Variants in SLC16A4 observed in about 807,000 individuals in gnomAD.
SLC16A4 encodes the protein solute carrier family 16 member 4, also known as probable monocarboxylate transporter 5.
Under a neutral mutation model 47.9 loss-of-function variants are expected in SLC16A4, and 39 were observed. The observed-to-expected ratio is 0.81, with a 90% CI of 0.63 to 1.06. SLC16A4 has a LOEUF of 1.06. Among genes scored for constraint, SLC16A4 ranks in the 50% least tolerant of loss-of-function variants. SLC16A4 has a pLI of 0.00. For synonymous variants in SLC16A4, 189 were observed against 199.9 expected, an observed-to-expected ratio of 0.95 and a Z score of 0.46; for missense variants, 524 against 573.8, an observed-to-expected ratio of 0.91 and a Z score of 0.89.
intron 8 of SLC16A4, chr1:110,370,251 T>G (rs74418400): frequency 6.6e-6 from 1 of 152,140 alleles, no homozygotes; most frequent in African/African-American, 2.4e-5. Flanking sequence ...TTAGCCTTTT[T>G]TTCCCCCCAC....
chr1:110,367,839 GT>G (rs200369962), intron 8 of SLC16A4, among the ~76,000 whole-genome samples: 1 of 151,426 alleles, frequency 6.6e-6, no homozygotes, highest in Non-Finnish European at 1.5e-5. Context: ...GTAAATTTTT[GT>G]TTTTTTTGAG....
chr1:110,378,243 T>C (rs368637571), intron 6 of SLC16A4, among the ~76,000 whole-genome samples: 2 of 152,360 alleles, frequency 1.3e-5, no homozygotes, highest in Admixed American at 6.5e-5. Flanking sequence ...AGGGGAAAAT[T>C]CCTTAGCTAC....
At chr1:110,378,178 A>G (rs1662121650) in intron 6 of SLC16A4, among the ~76,000 whole-genome samples, 1 of 152,214 alleles carries the variant, frequency 6.6e-6, no homozygotes, top group Non-Finnish European at 1.5e-5. Context: ...AATATCAGAC[A>G]GTCCATAAGT....
At chr1:110,386,740 T>C (rs1482359828) in intron 2 of SLC16A4, among the ~76,000 whole-genome samples, 2 of 152,246 alleles carry the variant, frequency 1.3e-5, no homozygotes, top group African/African-American at 4.8e-5. Context: ...CGTCCTTTTC[T>C]AGTATCACCC....
intron 7 of SLC16A4, among the ~76,000 whole-genome samples, chr1:110,376,342 C>A (rs1661998703): frequency 6.6e-6 from 1 of 152,144 alleles, no homozygotes; most frequent in Admixed American, 6.5e-5. Context: ...CAGAAGTTTT[C>A]TAGGAAATCT....
At chr1:110,377,313 T>C (rs1662063373) in intron 6 of SLC16A4, 152 bp from the exon 7 acceptor site, 4 of 633,766 alleles carry the variant, frequency 6.3e-6, no homozygotes, top group Admixed American at 3.0e-5. Flanking sequence ...AGCTCTATTA[T>C]ATACTTACCT....
rs72975107 is a variant in SLC16A4, at chr1:110,376,200, C to G, written c.1243-649G>C. 3.6e-3 allele frequency among the ~76,000 whole-genome samples: 542 copies of G among 152,238 alleles called. 3 individuals are homozygous for G. Among genetic ancestry groups the G allele is most frequent in the African/African-American group, 0.012 (507 of 41,540 alleles). On this transcript the variant is annotated intron_variant, in intron 7 of 8. Transcript: ENST00000369779. ...CCAGACGGTGATATTCTTGAATCCT[C>G]TAAGGCTAAGTATCAACCATTGGTT...
chr1:110,384,831 C>T (rs1215866156), intron 2 of SLC16A4, among the ~76,000 whole-genome samples: 1 of 151,982 alleles, frequency 6.6e-6, no homozygotes, highest in African/African-American at 2.4e-5. Flanking sequence ...GGCAACATGG[C>T]GAAACCCCGT....
chr1:110,377,862 C>G (rs1223966026), intron 6 of SLC16A4, among the ~76,000 whole-genome samples: 3 of 152,100 alleles, frequency 2.0e-5, no homozygotes, highest in Non-Finnish European at 2.9e-5. Flanking sequence ...CGGAGTCACG[C>G]TCCGTCACCC....
chr1:110,368,216 AC>A (rs1661498439), intron 8 of SLC16A4, among the ~76,000 whole-genome samples: 1 of 152,262 alleles, frequency 6.6e-6, no homozygotes, highest in African/African-American at 2.4e-5. Flanking sequence ...ACATAAGTTG[AC>A]ATTCAAAAGA....
chr1:110,364,259 T>C (rs1218144229), intron 8 of SLC16A4, among the ~76,000 whole-genome samples: 1 of 152,156 alleles, frequency 6.6e-6, no homozygotes, highest in Non-Finnish European at 1.5e-5. Flanking sequence ...AACAAAGACT[T>C]GAGTACTTAC....
intron 2 of SLC16A4, among the ~76,000 whole-genome samples, chr1:110,383,805 G>GTTTTCTTT (rs1662569249): frequency 1.5e-5 from 1 of 65,740 alleles, no homozygotes; most frequent in South Asian, 5.9e-4. Context: ...TTAAAAGGAG[G>GTTTTCTTT]TTTTTTTTTT....
chr1:110,366,440 A>G (rs1192924627), intron 8 of SLC16A4, among the ~76,000 whole-genome samples: 1 of 151,848 alleles, frequency 6.6e-6, no homozygotes, highest in Non-Finnish European at 1.5e-5. Context: ...GATTTCACTC[A>G]CTCTTAGAAT....
At chr1:110,382,629 CTTTG>C (rs767760110) in intron 3 of SLC16A4, among the ~76,000 whole-genome samples, 2 of 152,128 alleles carry the variant, frequency 1.3e-5, no homozygotes, top group Non-Finnish European at 2.9e-5. Flanking sequence ...CCTCAGCTTT[CTTTG>C]TTTGAATGCT....
intron 8 of SLC16A4, chr1:110,371,345 TATG>T (rs1661675284): frequency 6.6e-6 from 1 of 152,178 alleles, no homozygotes; most frequent in Admixed American, 6.5e-5. Flanking sequence ...AGGCAACTAA[TATG>T]GTCCTTTGGT....
rs57148886 is a variant in SLC16A4, at chr1:110,363,625, CAAA to C, written c.*138_*140del. 4.6e-3 allele frequency: 2,230 copies of C among 484,164 alleles called. No individual in the cohort carries two copies. Among genetic ancestry groups the C allele is most frequent in the South Asian group, 8.8e-3 (245 of 27,872 alleles). The allele number at this position is 484,164 out of a possible 1,614,324, so 30.0% of individuals were successfully genotyped here. ...TGGGCGAAAGAGCGAGACTCCGTCTCAAAAAAAAAAAAAAAAAAATTGTTTTCC... is the reference window on the plus strand; with the variant it reads ...TGGGCGAAAGAGCGAGACTCCGTCTCAAAAAAAAAAAAAAAATTGTTTTCC... On this transcript the variant is annotated 3_prime_UTR_variant, in exon 9 of 9. Transcript: ENST00000369779.
Position 110,379,346 on chromosome 1 carries a change from T to C in SLC16A4, c.537A>G (p.Ile179Met). 6.3e-7 allele frequency: 1 copy of C among 1,596,900 alleles called. No individual in the cohort carries two copies. The highest frequency in any genetic ancestry group is 8.6e-7 in the Non-Finnish European group (1 of 1,167,900). Residue 179 changes from isoleucine to methionine, a missense_variant, in exon 6 of 9, where the codon ATA becomes ATG. Transcript: ENST00000369779. The stretch of plus-strand genomic sequence containing the variant: ...AATTCAATGCGATAGCTCCAAATAA[T>C]ATAAGGGCTCCTAAATAGGGAGAGA... The part of the protein sequence containing the change: ...IDLYDWTGAL[I>M]LFGAIALNLV...
intron 3 of SLC16A4, 135 bp from the exon 4 acceptor site, chr1:110,381,930 A>AG: frequency 1.2e-6 from 1 of 829,522 alleles, no homozygotes; most frequent in Non-Finnish European, 1.9e-6. Flanking sequence ...TCTTCAAAAA[A>AG]GATTTTCATA....
chr1:110,376,036 C>A (rs1661979122), intron 7 of SLC16A4, among the ~76,000 whole-genome samples: 1 of 152,038 alleles, frequency 6.6e-6, no homozygotes, highest in Non-Finnish European at 1.5e-5. Context: ...GCCACCACAC[C>A]TGGCTAATTT....
Sources: gnomAD v4.1 joint callset for allele counts (sites outside exome capture counted in the v4.1 genomes callset) on GRCh38, gnomAD v4.1.1 for gene constraint, MANE v1.5 for transcripts, NCBI Gene and HGNC (gene_info 2026-07-23, HGNC 2026-07-21) for gene names.